Variants in NRG1 observed in about 807,000 individuals in gnomAD.
The protein encoded by NRG1 is neuregulin 1.
NRG1 carries 18 observed loss-of-function variants against 63.8 expected under a neutral mutation model. The observed-to-expected ratio is 0.28, with a 90% confidence interval of 0.19 to 0.42. NRG1 has a LOEUF of 0.42. Ranked by LOEUF, NRG1 falls within the 10% of genes least tolerant of loss-of-function variation. The probability of loss-of-function intolerance (pLI) is 1.00; values close to 1 mark genes in which losing one functional copy is unlikely to be tolerated. For synonymous variants in NRG1, 302 were observed against 301.3 expected (o/e 1.00, Z -0.02); for missense variants, 762 against 814.7 (o/e 0.94, Z 0.79).
intron 3 of NRG1, among the ~76,000 whole-genome samples, chr8:32,612,108 G>A (rs1377788374): frequency 6.6e-6 from 1 of 151,994 alleles, no homozygotes; most frequent in African/African-American, 2.4e-5. Context: ...TCATTAATTT[G>A]CACTAATGAA....
chr8:32,760,710 T>G (rs1287459661), intron 11 of NRG1: 2 of 1,156,884 alleles, frequency 1.7e-6, no homozygotes, highest in Non-Finnish European at 2.1e-6. Flanking sequence ...CCACTCGGGG[T>G]CTCAGTGTCC....
intron 5 of NRG1, among the ~76,000 whole-genome samples, chr8:32,617,783 GGAAAACTCAT>G (rs988317732): frequency 6.6e-6 from 1 of 152,118 alleles, no homozygotes; most frequent in African/African-American, 2.4e-5. Context: ...CAGCAGGGTA[GGAAAACTCAT>G]GAAAAGAAAG....
intron 1 of NRG1, among the ~76,000 whole-genome samples, chr8:31,969,302 T>C (rs1806891691): frequency 1.3e-5 from 2 of 152,224 alleles, no homozygotes; most frequent in South Asian, 4.1e-4. Flanking sequence ...AAGAATTTAA[T>C]ACTAATATCA....
chr8:31,856,609 C>T (rs2929482), intron 1 of NRG1, among the ~76,000 whole-genome samples: 1 of 152,160 alleles, frequency 6.6e-6, no homozygotes, highest in South Asian at 2.1e-4. Flanking sequence ...TTCTTCTCTC[C>T]GCTCGTCAAA....
chr8:32,548,512 G>C (rs1185143766), exon 1 of NRG1: 23 of 1,236,764 alleles, frequency 1.9e-5, no homozygotes, highest in Non-Finnish European at 2.3e-5. Flanking sequence ...CGAGAGCCAG[G>C]GCGAGCGCCC....
chr8:32,489,877 G>A (rs577964744), intron 1 of NRG1, among the ~76,000 whole-genome samples: 31 of 152,192 alleles, frequency 2.0e-4, no homozygotes, highest in African/African-American at 3.9e-4. Flanking sequence ...AAGACTCCTC[G>A]GTCCTCCCTC....
intron 5 of NRG1, among the ~76,000 whole-genome samples, chr8:32,717,911 A>G (rs1443705448): frequency 6.6e-6 from 1 of 152,222 alleles, no homozygotes; most frequent in Non-Finnish European, 1.5e-5. Context: ...CTTGCCTCAA[A>G]GTACTGAAAG....
At chr8:31,728,685 T>TA (rs1354264570) in intron 1 of NRG1, among the ~76,000 whole-genome samples, 1 of 152,212 alleles carries the variant, frequency 6.6e-6, no homozygotes, top group Admixed American at 6.5e-5. Context: ...TTATGCCTTA[T>TA]AAAATTACAA....
chr8:32,738,530 C>T (rs187764399), intron 6 of NRG1, among the ~76,000 whole-genome samples: 3 of 152,170 alleles, frequency 2.0e-5, no homozygotes, highest in Admixed American at 1.3e-4. Context: ...TTGGAATTTG[C>T]TCAAACTCAT....
chr8:32,171,618 G>A (rs578020891), intron 1 of NRG1, among the ~76,000 whole-genome samples: 7 of 152,232 alleles, frequency 4.6e-5, no homozygotes, highest in African/African-American at 1.7e-4. Context: ...GGTGACAGAC[G>A]GCACCTGGAA....
At chr8:32,068,194 G>A (rs1825184182) in intron 1 of NRG1, among the ~76,000 whole-genome samples, 1 of 152,152 alleles carries the variant, frequency 6.6e-6, no homozygotes, top group South Asian at 2.1e-4. Context: ...AACCTCTACA[G>A]TTTTATCTTC....
chr8:32,441,936 A>G (rs1472948458), intron 1 of NRG1, among the ~76,000 whole-genome samples: 1 of 152,196 alleles, frequency 6.6e-6, no homozygotes, highest in East Asian at 1.9e-4. Flanking sequence ...TGATGTGAGA[A>G]TTCAAAATAA....
intron 1 of NRG1, chr8:32,026,196 G>GT (rs1817346159): frequency 6.6e-6 from 1 of 151,500 alleles, no homozygotes; most frequent in Non-Finnish European, 1.5e-5. Context: ...AGACCCCGGA[G>GT]TAGCCGGGAC....
intron 1 of NRG1, chr8:32,098,787 G>A (rs1397067258): frequency 6.6e-6 from 1 of 152,126 alleles, no homozygotes; most frequent in African/African-American, 2.4e-5. Context: ...TAAAATTGTT[G>A]CAGAAGATGA....
chr8:32,543,238 T>C (rs1832742202), intron 1 of NRG1, among the ~76,000 whole-genome samples: 1 of 152,222 alleles, frequency 6.6e-6, no homozygotes, highest in Non-Finnish European at 1.5e-5. Context: ...AGAAATTATA[T>C]ACCCAGATAC....
At chr8:31,673,345 A>G (rs1459691601) in intron 1 of NRG1, among the ~76,000 whole-genome samples, 1 of 152,172 alleles carries the variant, frequency 6.6e-6, no homozygotes, top group Non-Finnish European at 1.5e-5. Context: ...GTGGTCCTTG[A>G]AAAGATCATT....
chr8:32,092,969 GTATC>G (rs1331786113), intron 1 of NRG1, among the ~76,000 whole-genome samples: 1 of 152,146 alleles, frequency 6.6e-6, no homozygotes, highest in Non-Finnish European at 1.5e-5. Flanking sequence ...ACTGGGATAC[GTATC>G]TTGGCCAGTA....
chr8:32,549,706 A>T (rs569260199), intron 1 of NRG1, among the ~76,000 whole-genome samples: 1 of 152,316 alleles, frequency 6.6e-6, no homozygotes, highest in East Asian at 1.9e-4. Context: ...CACGAGCATG[A>T]ACAAAAGCTT....
rs77544541 is a variant in NRG1, at chr8:32,568,234, C to A, written c.100+19408C>A. Among the ~76,000 whole-genome samples the A allele has an allele frequency of 9.1e-3, 1,381 of 152,234 alleles. 18 individuals carry two copies. Among genetic ancestry groups the A allele is most frequent in the Non-Finnish European group, 9.7e-3 (661 of 68,018 alleles). On this transcript the variant is annotated intron_variant, in intron 1 of 11. Coordinates refer to ENST00000356819, the Ensembl canonical transcript of NRG1. ...CATGTCTAAAATACACCATAAATCT[C>A]GAAGTGCTCGTTTCAATATTGAAGT... is the stretch of plus-strand genomic sequence containing the variant.
Sources: gnomAD v4.1 joint callset for allele counts (sites outside exome capture counted in the v4.1 genomes callset) on GRCh38, gnomAD v4.1.1 for gene constraint, MANE v1.5 for transcripts, NCBI Gene and HGNC (gene_info 2026-07-23, HGNC 2026-07-21) for gene names.